The following DIAPH2 variants were observed in gnomAD, a reference collection of about 807,000 sequenced individuals.
The protein encoded by DIAPH2 is protein diaphanous homolog 2.
DIAPH2 carries 35 observed loss-of-function variants against 92.7 expected under a neutral mutation model. The observed-to-expected ratio is 0.38, with a 90% CI of 0.29 to 0.50. DIAPH2 has a LOEUF of 0.50. Among genes scored for constraint, DIAPH2 ranks in the 20% least tolerant of loss-of-function variants. The pLI is 0.94. For synonymous variants in DIAPH2, 301 were observed against 280.4 expected (o/e 1.07, Z -0.73); for missense variants, 701 against 819.5 (o/e 0.86, Z 1.77).
chrX:97,337,608 C>T (rs1034945631), intron 23 of DIAPH2, among the ~76,000 whole-genome samples: 4 of 111,614 alleles, frequency 3.6e-5, no homozygotes, highest in Non-Finnish European at 5.6e-5. Flanking sequence ...TTATAAATTA[C>T]CCAGTCTCAG....
At chrX:96,874,596 C>T (rs1032433898) in intron 4 of DIAPH2, among the ~76,000 whole-genome samples, 6 of 111,619 alleles carry the variant, frequency 5.4e-5, no homozygotes, top group South Asian at 3.7e-4. Context: ...AATTTGCTTT[C>T]GCTAGGAAAT....
At chrX:97,468,580 T>G (rs760426733) in intron 26 of DIAPH2, among the ~76,000 whole-genome samples, 1 of 109,520 alleles carries the variant, frequency 9.1e-6, no homozygotes, top group Non-Finnish European at 1.9e-5. Flanking sequence ...TATTTAGGTT[T>G]GATTTTGGTG....
intron 10 of DIAPH2, among the ~76,000 whole-genome samples, chrX:96,936,933 A>T (rs941973852): frequency 1.5e-4 from 17 of 111,845 alleles, no homozygotes; most frequent in Non-Finnish European, 2.1e-4. Flanking sequence ...AGTCAAAATG[A>T]CAGCATTTAA....
intron 3 of DIAPH2, among the ~76,000 whole-genome samples, chrX:96,750,458 G>T: frequency 8.9e-6 from 1 of 111,739 alleles, no homozygotes; most frequent in Non-Finnish European, 1.9e-5. Flanking sequence ...TTTATTTAAA[G>T]AAGAACAATC....
chrX:97,290,063 G>A (rs1253550922), intron 23 of DIAPH2, among the ~76,000 whole-genome samples: 1 of 85,403 alleles, frequency 1.2e-5, no homozygotes, highest in Non-Finnish European at 2.3e-5. Flanking sequence ...CCTTCCCTTG[G>A]CAGTAATTTA....
At chrX:97,500,528 T>C (rs1189606463) in intron 26 of DIAPH2, among the ~76,000 whole-genome samples, 1 of 109,904 alleles carries the variant, frequency 9.1e-6, no homozygotes, top group African/African-American at 3.3e-5. Context: ...TCCAACATTG[T>C]CCTTATTGTA....
intron 23 of DIAPH2, among the ~76,000 whole-genome samples, chrX:97,298,777 G>A (rs1381671731): frequency 9.1e-6 from 1 of 109,852 alleles, no homozygotes; most frequent in Non-Finnish European, 1.9e-5. Flanking sequence ...ACCACGCCCA[G>A]CTAATTTTTT....
At chrX:96,945,359 G>T (rs2065731832) in intron 13 of DIAPH2, among the ~76,000 whole-genome samples, 168 bp from the exon 14 acceptor site, 1 of 111,673 alleles carries the variant, frequency 9.0e-6, no homozygotes, top group Admixed American at 9.5e-5. Context: ...GTATGCTAAA[G>T]AAAGAATATA....
At chrX:97,186,088 T>C (rs927287690) in intron 22 of DIAPH2, among the ~76,000 whole-genome samples, 4 of 111,635 alleles carry the variant, frequency 3.6e-5, no homozygotes, top group Admixed American at 2.9e-4. Context: ...AAAAAACTAA[T>C]TGTAAGATTT....
chrX:97,483,391 G>A (rs1378573092), intron 26 of DIAPH2, among the ~76,000 whole-genome samples: 1 of 84,673 alleles, frequency 1.2e-5, no homozygotes, highest in Non-Finnish European at 2.7e-5. Context: ...GCCAGTTGAA[G>A]GGGGCAAAAG....
intron 14 of DIAPH2, among the ~76,000 whole-genome samples, chrX:96,945,923 G>A (rs771888623): frequency 3.6e-5 from 4 of 111,826 alleles, no homozygotes; most frequent in East Asian, 2.8e-4. Context: ...TGCAGCTGTC[G>A]CTTGCAATAG....
chrX:96,922,084 A>G (rs1046810320), intron 9 of DIAPH2, among the ~76,000 whole-genome samples: 13 of 111,435 alleles, frequency 1.2e-4, no homozygotes, highest in Non-Finnish European at 1.7e-4. Flanking sequence ...ATTGAGAGAG[A>G]TAGAAGTATT....
chrX:97,312,475 G>A (rs1428815748), intron 23 of DIAPH2, among the ~76,000 whole-genome samples: 1 of 100,589 alleles, frequency 9.9e-6, no homozygotes, highest in Non-Finnish European at 2.0e-5. Flanking sequence ...TCAGCCTCCC[G>A]AGTAGCTGGG....
At chrX:96,956,489 A>G (rs1282756773) in intron 15 of DIAPH2, among the ~76,000 whole-genome samples, 1 of 112,226 alleles carries the variant, frequency 8.9e-6, no homozygotes, top group African/African-American at 3.2e-5. Flanking sequence ...ATTTCTCCCC[A>G]GAAAACGGAT....
chrX:97,271,834 C>CACAT (rs1371142648), intron 23 of DIAPH2, among the ~76,000 whole-genome samples: 1 of 108,373 alleles, frequency 9.2e-6, no homozygotes, highest in African/African-American at 3.4e-5. Context: ...CACACACACA[C>CACAT]ACACACACAC....
At chrX:97,198,917 T>C (rs2067725332) in intron 22 of DIAPH2, among the ~76,000 whole-genome samples, 1 of 111,257 alleles carries the variant, frequency 9.0e-6, no homozygotes, top group South Asian at 3.8e-4. Flanking sequence ...GGAGATATCC[T>C]TTATATTTCA....
intron 4 of DIAPH2, among the ~76,000 whole-genome samples, chrX:96,836,925 C>T (rs2064898554): frequency 9.8e-6 from 1 of 101,616 alleles, no homozygotes; most frequent in South Asian, 4.8e-4. Context: ...GACGGGGTTT[C>T]ACCGTGTTAG....
At chrX:97,053,407 A>G (rs1450834233) in intron 17 of DIAPH2, among the ~76,000 whole-genome samples, 4 of 111,593 alleles carry the variant, frequency 3.6e-5, no homozygotes, top group Non-Finnish European at 5.7e-5. Context: ...TACATATTCT[A>G]TCATACTTTC....
chrX:97,129,150 CTTTT>C (rs2067118384), intron 21 of DIAPH2, among the ~76,000 whole-genome samples: 37 of 66,513 alleles, frequency 5.6e-4, no homozygotes, highest in African/African-American at 1.7e-3. Context: ...TCTTTTCTTT[CTTTT>C]CTTTTCTTTT....
Sources: gnomAD v4.1 joint callset for allele counts (sites outside exome capture counted in the v4.1 genomes callset) on GRCh38, gnomAD v4.1.1 for gene constraint, MANE v1.5 for transcripts, NCBI Gene and HGNC (gene_info 2026-07-23, HGNC 2026-07-21) for gene names.